The following DOCK2 variants were observed in gnomAD, a reference collection of about 807,000 sequenced individuals.
The protein encoded by DOCK2 is dedicator of cytokinesis protein 2.
In DOCK2, 87 loss-of-function variants were observed where a neutral mutation model predicts 248.9. The observed-to-expected ratio is 0.35, with a 90% CI of 0.29 to 0.42. DOCK2 has a LOEUF of 0.42. DOCK2 is among the 10% of genes least tolerant of loss of function. The pLI is 1.00. For missense variants in DOCK2, 1,747 were observed against 2,300.2 expected (o/e 0.76, Z 4.92); for synonymous variants, 805 against 821.6 (o/e 0.98, Z 0.35).
chr5:169,770,419 T>C (rs1258685393), intron 25 of DOCK2, among the ~76,000 whole-genome samples: 1 of 151,718 alleles, frequency 6.6e-6, no homozygotes, highest in Non-Finnish European at 1.5e-5. Flanking sequence ...CTTCAGCTTC[T>C]GAGTAGTTAG....
intron 26 of DOCK2, among the ~76,000 whole-genome samples, chr5:169,833,221 A>C (rs1769342278): frequency 6.6e-6 from 1 of 152,194 alleles, no homozygotes; most frequent in Admixed American, 6.5e-5. Flanking sequence ...GTGTATCACT[A>C]TCAGGTATAT....
intron 27 of DOCK2, among the ~76,000 whole-genome samples, chr5:169,925,551 G>T (rs1036760464): frequency 7.8e-6 from 1 of 128,572 alleles, no homozygotes; most frequent in Non-Finnish European, 1.5e-5. Context: ...CTGAACTCCA[G>T]CCTGGGCGAC....
intron 46 of DOCK2, 145 bp downstream of exon 46, chr5:170,069,365 T>G (rs776054696): frequency 5.2e-6 from 4 of 774,376 alleles, no homozygotes; most frequent in Non-Finnish European, 6.5e-6. Flanking sequence ...CTTCCAACTC[T>G]GTATCACACC....
intron 27 of DOCK2, among the ~76,000 whole-genome samples, chr5:169,926,609 T>G (rs1775476159): frequency 6.6e-6 from 1 of 152,014 alleles, no homozygotes. Context: ...CAGAATAGGG[T>G]TTAAGCAAAG....
chr5:169,684,061 G>A (rs1759819040), intron 7 of DOCK2, 135 bp from the exon 8 acceptor site: 1 of 1,013,506 alleles, frequency 9.9e-7, no homozygotes, highest in South Asian at 1.7e-5. Context: ...GGTTACAGAA[G>A]CTTTTGATGG....
chr5:169,671,773 G>A lies in DOCK2; in HGVS notation c.321+599G>A, dbSNP rs141173199. Among the ~76,000 whole-genome samples, 11 of 152,326 alleles carry A rather than the reference G, an allele frequency of 7.2e-5. No homozygotes were observed. In the East Asian group the frequency reaches 1.3e-3, roughly 19 times the overall value. The stretch of plus-strand genomic sequence containing the variant: ...AAATGTCAACCAAGGCTTACTGCAT[G>A]TTTATTATGGCACCGTGGACACCTG... On this transcript the variant is annotated intron_variant, in intron 5 of 51. Transcript: ENST00000520908.
chr5:169,935,770 G>GA (rs368269080), intron 27 of DOCK2, among the ~76,000 whole-genome samples: 14 of 152,072 alleles, frequency 9.2e-5, no homozygotes, highest in African/African-American at 3.4e-4. Flanking sequence ...CTTCATAGGA[G>GA]AAAAAACGCG....
At chr5:170,072,371 T>G (rs2113871941) in intron 46 of DOCK2, among the ~76,000 whole-genome samples, 1 of 152,358 alleles carries the variant, frequency 6.6e-6, no homozygotes, top group Non-Finnish European at 1.5e-5. Flanking sequence ...TTTTTGTTGT[T>G]TCTAAGTGTC....
chr5:169,772,261 T>A (rs1765128356), intron 25 of DOCK2, among the ~76,000 whole-genome samples: 1 of 152,236 alleles, frequency 6.6e-6, no homozygotes, highest in Non-Finnish European at 1.5e-5. Flanking sequence ...GATGTTAGCA[T>A]CCTGGGAATT....
At chr5:170,001,371 C>T (rs1024477788) in intron 30 of DOCK2, among the ~76,000 whole-genome samples, 14 of 152,066 alleles carry the variant, frequency 9.2e-5, no homozygotes, top group South Asian at 4.2e-4. Flanking sequence ...TTATAAACAT[C>T]GGATGGACCA....
intron 25 of DOCK2, among the ~76,000 whole-genome samples, chr5:169,778,879 T>C (rs564583822): frequency 2.0e-5 from 3 of 152,308 alleles, no homozygotes; most frequent in South Asian, 2.1e-4. Context: ...AATCTATCTA[T>C]CTATATATCC....
At chr5:169,854,059 G>T (rs867394524) in intron 27 of DOCK2, among the ~76,000 whole-genome samples, 1 of 151,290 alleles carries the variant, frequency 6.6e-6, no homozygotes, top group African/African-American at 2.4e-5. Context: ...TCCTGACCTC[G>T]TGATCCGCCC....
At chr5:170,062,432 C>T (rs1374755620) in intron 44 of DOCK2, among the ~76,000 whole-genome samples, 2 of 152,062 alleles carry the variant, frequency 1.3e-5, no homozygotes, top group Non-Finnish European at 2.9e-5. Context: ...ACTGAGTAAA[C>T]ATCCACATTG....
chr5:169,956,587 G>T (rs1776877891), intron 27 of DOCK2, among the ~76,000 whole-genome samples: 1 of 152,182 alleles, frequency 6.6e-6, no homozygotes, highest in Non-Finnish European at 1.5e-5. Context: ...GCTGGGCACA[G>T]GTATATTTTG....
At chr5:169,739,333 G>T (rs1276387175) in intron 22 of DOCK2, among the ~76,000 whole-genome samples, 2 of 152,184 alleles carry the variant, frequency 1.3e-5, no homozygotes, top group Non-Finnish European at 2.9e-5. Flanking sequence ...GCCTCTAGTT[G>T]TATGTGACCT....
At chr5:170,002,826 G>T (rs961685910) in intron 30 of DOCK2, among the ~76,000 whole-genome samples, 2 of 152,086 alleles carry the variant, frequency 1.3e-5, no homozygotes, top group African/African-American at 4.8e-5. Context: ...CTCTTCCCCA[G>T]GGCAAAGAGA....
At chr5:169,639,100 G>C (rs1757009429) in intron 1 of DOCK2, among the ~76,000 whole-genome samples, 1 of 152,210 alleles carries the variant, frequency 6.6e-6, no homozygotes, top group South Asian at 2.1e-4. Flanking sequence ...CCTTCTCTGA[G>C]CACTGGAGGT....
At chr5:169,778,179 G>A (rs959408627) in intron 25 of DOCK2, among the ~76,000 whole-genome samples, 5 of 152,138 alleles carry the variant, frequency 3.3e-5, no homozygotes, top group Admixed American at 6.5e-5. Flanking sequence ...GAGGTGCATT[G>A]TGCTGAGAAC....
At chr5:169,702,048 G>A (rs556585554) in intron 13 of DOCK2, 7 of 322,664 alleles carry the variant, frequency 2.2e-5, no homozygotes, top group African/African-American at 4.2e-5. Context: ...TTTTAATGTC[G>A]AGAAAAACAT....
Sources: allele counts gnomAD v4.1 joint callset (sites outside exome capture counted in the v4.1 genomes callset), GRCh38; gene constraint gnomAD v4.1.1; transcripts MANE v1.5; gene names NCBI Gene and HGNC (gene_info 2026-07-23, HGNC 2026-07-21).